GRIK4: variants seen among roughly 807,000 people sequenced by gnomAD.
GRIK4 encodes glutamate ionotropic receptor kainate type subunit 4, also known as glutamate receptor ionotropic, kainate 4.
Under a neutral mutation model 104.9 loss-of-function variants are expected in GRIK4, and 40 were observed. The ratio of observed to expected loss-of-function variants is 0.38; its 90% confidence interval spans 0.30 to 0.50. The LOEUF (loss-of-function observed/expected upper bound fraction) is 0.50. Ranked by LOEUF, GRIK4 falls within the 20% of genes least tolerant of loss-of-function variation. The probability of loss-of-function intolerance (pLI) is 0.93; values close to 1 mark genes in which losing one functional copy is unlikely to be tolerated. For synonymous variants in GRIK4, 485 were observed against 524.9 expected, an observed-to-expected ratio of 0.92 and a Z score of 1.04; for missense variants, 1,047 against 1,308.1, an observed-to-expected ratio of 0.80 and a Z score of 3.08.
intron 3 of GRIK4, among the ~76,000 whole-genome samples, chr11:120,774,105 C>G (rs1359367135): frequency 6.6e-6 from 1 of 152,212 alleles, no homozygotes; most frequent in East Asian, 1.9e-4. Context: ...CGTCACCAGA[C>G]AGAGCTGATC....
At chr11:120,848,327 G>T (rs541470467) in intron 8 of GRIK4, among the ~76,000 whole-genome samples, 2 of 152,166 alleles carry the variant, frequency 1.3e-5, no homozygotes, top group African/African-American at 2.4e-5. Flanking sequence ...ATAGGTGGCC[G>T]CTCTTTCCTC....
At chr11:120,545,971 T>C (rs1272997512) in intron 1 of GRIK4, among the ~76,000 whole-genome samples, 3 of 152,138 alleles carry the variant, frequency 2.0e-5, no homozygotes, top group Non-Finnish European at 4.4e-5. Flanking sequence ...TGGCTTCACA[T>C]CTCTCCTGAC....
At chr11:120,687,454 G>T (rs1468826797) in intron 3 of GRIK4, among the ~76,000 whole-genome samples, 1 of 151,702 alleles carries the variant, frequency 6.6e-6, no homozygotes, top group African/African-American at 2.4e-5. Context: ...CATTTTTTTG[G>T]AATACATTTA....
rs2134696828 is a variant in GRIK4, at chr11:120,953,911, CT to C, written c.1700+948del. On this transcript the variant is annotated intron_variant, in intron 15 of 20. Coordinates refer to ENST00000527524, the MANE Select transcript of GRIK4 (RefSeq NM_014619.5). The surrounding 1 kb of genome is among the most constrained non-coding windows in gnomAD (Gnocchi z 4.9). ...GCTGTTATGTGGGAGCAGAGAACTA[CT>C]CAGGAGGAGCTTCTGGAATCTGTCC... Among the ~76,000 whole-genome samples, 1 of 152,320 alleles carries C rather than the reference CT, an allele frequency of 6.6e-6. No individual in the cohort carries two copies.
rs1454210161 is a variant in GRIK4, at chr11:120,940,950, A to G, written c.1590+490A>G. Among the ~76,000 whole-genome samples, 1 of 152,214 alleles carries G rather than the reference A, an allele frequency of 6.6e-6. No homozygotes were observed. Among genetic ancestry groups the G allele is most frequent in the Non-Finnish European group, 1.5e-5 (1 of 68,024 alleles). On this transcript the variant is annotated intron_variant, in intron 14 of 20. Transcript: ENST00000527524. This position sits in a 1 kb window ranked among gnomAD's most constrained non-coding sequence, Gnocchi z 4.3. ...TTATACCTGGCCTGCCCTTTTCTGC[A>G]TTCCATGCCCCCATCAGAAAGACTC...
intron 3 of GRIK4, among the ~76,000 whole-genome samples, chr11:120,797,171 G>A (rs1041301489): frequency 3.3e-5 from 5 of 152,160 alleles, no homozygotes; most frequent in Non-Finnish European, 5.9e-5. Flanking sequence ...AGAGCGGGAA[G>A]CCCCGGGTCT....
At chr11:120,909,987 C>T (rs1015372542) in intron 13 of GRIK4, among the ~76,000 whole-genome samples, 3 of 152,170 alleles carry the variant, frequency 2.0e-5, no homozygotes, top group Non-Finnish European at 4.4e-5. Flanking sequence ...GCACTCTGCC[C>T]TTAGGAATGG....
intron 3 of GRIK4, among the ~76,000 whole-genome samples, chr11:120,666,055 C>T (rs756513280): frequency 7.2e-5 from 11 of 152,108 alleles, no homozygotes; most frequent in Non-Finnish European, 1.6e-4. Flanking sequence ...ATAAGAAATC[C>T]CGGGGTCCCA....
At chr11:120,681,307 CTG>C (rs201444943) in intron 3 of GRIK4, among the ~76,000 whole-genome samples, 3,395 of 152,180 alleles carry the variant, frequency 0.022, 48 homozygotes, top group Non-Finnish European at 0.037. Context: ...GGCTCTGAGA[CTG>C]TGGAATTTGC....
At chr11:120,924,288 G>A (rs1379104573) in intron 13 of GRIK4, among the ~76,000 whole-genome samples, 1 of 152,120 alleles carries the variant, frequency 6.6e-6, no homozygotes, top group Non-Finnish European at 1.5e-5. Context: ...GCGTGTGTGA[G>A]GTCACCGCTG....
In GRIK4 at chr11:120,982,049, T is replaced by C. The variant is rs956783957; in HGVS notation, c.2396-57T>C. The C allele has an allele frequency of 5.3e-6, 6 of 1,131,032 alleles. No homozygotes were observed. In the Admixed American group the frequency reaches 1.0e-4, roughly 19 times the overall value. 70.1% of individuals were successfully genotyped at this position (1,131,032 alleles called of 1,614,324 possible). A position where few individuals can be genotyped will look rare whatever the true frequency, so the allele number is the denominator to read the frequency against. On this transcript the variant is annotated intron_variant, in intron 19 of 20. Coordinates refer to ENST00000527524, the MANE Select transcript of GRIK4 (RefSeq NM_014619.5). ...AATGATTTTAGTATTTTTGATAAAA[T>C]GATTGTGTCTTCCTGATCTTTTACA...
intron 1 of GRIK4, among the ~76,000 whole-genome samples, chr11:120,604,759 C>T (rs1260551516): frequency 1.3e-5 from 2 of 152,206 alleles, no homozygotes; most frequent in Non-Finnish European, 2.9e-5. Context: ...AAATCTGCCT[C>T]TTTGTCAGAG....
intron 1 of GRIK4, among the ~76,000 whole-genome samples, chr11:120,638,211 C>A (rs1176592115): frequency 1.3e-5 from 2 of 152,200 alleles, no homozygotes; most frequent in South Asian, 2.1e-4. Flanking sequence ...AATTATATAG[C>A]ACTTACTATG....
chr11:120,546,134 C>T (rs905785732), intron 1 of GRIK4, among the ~76,000 whole-genome samples: 7 of 152,154 alleles, frequency 4.6e-5, no homozygotes, highest in African/African-American at 1.7e-4. Flanking sequence ...AGGGCTGCAT[C>T]CTCCAAGGGG....
intron 1 of GRIK4, among the ~76,000 whole-genome samples, chr11:120,565,921 T>A (rs1340651433): frequency 6.6e-6 from 1 of 152,144 alleles, no homozygotes; most frequent in Non-Finnish European, 1.5e-5. Context: ...ACACACGTGG[T>A]TATTCTGGGC....
chr11:120,818,865 T>G (rs941077562), intron 5 of GRIK4, among the ~76,000 whole-genome samples: 1 of 152,214 alleles, frequency 6.6e-6, no homozygotes, highest in African/African-American at 2.4e-5. Context: ...GATATTCAGC[T>G]TCAGCTCGCT....
chr11:120,780,775 T>A (rs962424526), intron 3 of GRIK4, among the ~76,000 whole-genome samples: 5 of 152,188 alleles, frequency 3.3e-5, no homozygotes, highest in Non-Finnish European at 7.3e-5. Context: ...AGAGTCTGGC[T>A]CTGTTGACCA....
intron 3 of GRIK4, among the ~76,000 whole-genome samples, chr11:120,724,073 C>T (rs1950983490): frequency 6.6e-6 from 1 of 152,168 alleles, no homozygotes; most frequent in South Asian, 2.1e-4. Flanking sequence ...GCCTTTTCAT[C>T]TGTTTTCTTT....
chr11:120,666,285 G>C (rs547123863), intron 3 of GRIK4, among the ~76,000 whole-genome samples: 273 of 152,346 alleles, frequency 1.8e-3, no homozygotes, highest in African/African-American at 6.3e-3. Flanking sequence ...AGCTTGCATA[G>C]AGGTGAGTGG....
Sources: allele counts gnomAD v4.1 joint callset (sites outside exome capture counted in the v4.1 genomes callset), GRCh38; gene constraint gnomAD v4.1.1; non-coding constraint Gnocchi (gnomAD v3.1); transcripts MANE v1.5; gene names NCBI Gene and HGNC (gene_info 2026-07-23, HGNC 2026-07-21).